PDE1A: variants seen among roughly 807,000 people sequenced by gnomAD.
The protein encoded by PDE1A is phosphodiesterase 1A.
Under a neutral mutation model 61.7 loss-of-function variants are expected in PDE1A, and 35 were observed. The ratio of observed to expected loss-of-function variants is 0.57; its 90% CI spans 0.43 to 0.75. PDE1A has a LOEUF of 0.75. Among genes scored for constraint, PDE1A ranks in the 30% least tolerant of loss-of-function variants. PDE1A has a pLI of 0.00. For missense variants in PDE1A, 597 were observed against 630.6 expected (o/e 0.95, Z 0.57); for synonymous variants, 232 against 213.2 (o/e 1.09, Z -0.77).
the PDE1A span, among the ~76,000 whole-genome samples, chr2:182,658,058 A>AAC: frequency 4.6e-5 from 5 of 108,570 alleles, no homozygotes; most frequent in African/African-American, 1.3e-4. Context: ...AAAAAAAAAA[A>AAC]AAAAAAAAAA....
At chr2:182,693,556 C>T in the PDE1A span, among the ~76,000 whole-genome samples, 1 of 151,542 alleles carries the variant, frequency 6.6e-6, no homozygotes, top group African/African-American at 2.4e-5. Flanking sequence ...ATATTCTGGA[C>T]ACTAGACCCT....
At chr2:182,695,339 C>T in the PDE1A span, among the ~76,000 whole-genome samples, 1 of 152,088 alleles carries the variant, frequency 6.6e-6, no homozygotes, top group Non-Finnish European at 1.5e-5. Context: ...TCATGGGAAC[C>T]AGCATGGAAG....
rs28408366 is a variant in PDE1A at position 182,479,064 on chromosome 2, G to C, written c.101+43212C>G. 5.7e-3 allele frequency among the ~76,000 whole-genome samples: 867 copies of C among 151,926 alleles called. 5 individuals are homozygous for C. The highest frequency in any genetic ancestry group is 0.019 in the African/African-American group (796 of 41,468). On this transcript the variant is annotated intron_variant, in intron 2 of 14. Transcript: ENST00000410103. ...TTCCCTTATTAATCCTGTTTAGTTA[G>C]AAGTGAGGAAAAAGGATAAAAGCCT...
chr2:182,716,022 C>G, the PDE1A span: 1 of 152,428 alleles, frequency 6.6e-6, no homozygotes, highest in East Asian at 1.9e-4. Context: ...ACCCTCCCCG[C>G]CCGCGGCAGG....
chr2:182,177,470 G>T (rs1258128240), intron 13 of PDE1A, among the ~76,000 whole-genome samples: 4 of 152,052 alleles, frequency 2.6e-5, no homozygotes, highest in Non-Finnish European at 4.4e-5. Flanking sequence ...TAGCTTATTT[G>T]CATAGAGGTG....
intron 1 of PDE1A, among the ~76,000 whole-genome samples, chr2:182,407,381 TA>T (rs1004089643): frequency 2.7e-5 from 4 of 146,966 alleles, no homozygotes; most frequent in African/African-American, 8.1e-5. Context: ...ACTTTATTAT[TA>T]TTTTTTTTTT....
At chr2:182,485,229 C>G (rs184536436) in intron 2 of PDE1A, among the ~76,000 whole-genome samples, 18 of 152,210 alleles carry the variant, frequency 1.2e-4, no homozygotes, top group Admixed American at 5.2e-4. Flanking sequence ...ACGGATGCAG[C>G]TGGAGACCAT....
At chr2:182,604,026 T>C in the PDE1A span, among the ~76,000 whole-genome samples, 1 of 151,598 alleles carries the variant, frequency 6.6e-6, no homozygotes, top group South Asian at 2.1e-4. Context: ...AATTTAGTTT[T>C]AAAAAAAAAA....
intron 1 of PDE1A, among the ~76,000 whole-genome samples, chr2:182,298,654 C>T (rs554041616): frequency 1.1e-4 from 17 of 152,110 alleles, no homozygotes; most frequent in Admixed American, 7.9e-4. Context: ...CTAATCTTGC[C>T]CCACTTTACC....
chr2:182,321,350 C>G (rs1464431182), intron 1 of PDE1A, among the ~76,000 whole-genome samples: 1 of 152,052 alleles, frequency 6.6e-6, no homozygotes, highest in Non-Finnish European at 1.5e-5. Context: ...TTTAATAGTT[C>G]ACAAGTTCTC....
At chr2:182,322,481 T>A (rs1356842858) in intron 1 of PDE1A, among the ~76,000 whole-genome samples, 1 of 152,240 alleles carries the variant, frequency 6.6e-6, no homozygotes, top group Non-Finnish European at 1.5e-5. Flanking sequence ...CCCTCTTGCC[T>A]GCCGCCATGT....
At position 182,370,833 on chromosome 2, in the gene PDE1A, G is replaced by A. The variant is rs189543046; in HGVS notation, c.53+55745C>T. 1.0e-3 allele frequency among the ~76,000 whole-genome samples: 154 copies of A among 152,222 alleles called. 1 individual carries two copies. The highest frequency in any genetic ancestry group is 3.7e-3 in the African/African-American group (152 of 41,536). ...AAGTTATGGGATTGCAGGAGATTAG[G>A]AGTTCGTTGAATGCATTATCATTGA... On this transcript the variant is annotated intron_variant, in intron 1 of 13. Transcript: ENST00000351439.
At chr2:182,526,253 A>G (rs1690772509), upstream of PDE1A, among the ~76,000 whole-genome samples, 1 of 152,200 alleles carries the variant, frequency 6.6e-6, no homozygotes, top group Admixed American at 6.5e-5. Flanking sequence ...AATATTGGAA[A>G]AATTCCAATA....
intron 2 of PDE1A, among the ~76,000 whole-genome samples, chr2:182,499,414 G>A (rs1198105505): frequency 1.3e-5 from 2 of 152,126 alleles, no homozygotes; most frequent in African/African-American, 4.8e-5. Context: ...AGTAGGGACA[G>A]GATTTTACCA....
chr2:182,622,541 T>C, the PDE1A span, among the ~76,000 whole-genome samples: 1 of 152,148 alleles, frequency 6.6e-6, no homozygotes, highest in Admixed American at 6.5e-5. Context: ...GTCTTCCAAA[T>C]TTTTTTGCCA....
At chr2:182,547,476 TA>T in the PDE1A span, among the ~76,000 whole-genome samples, 1 of 152,242 alleles carries the variant, frequency 6.6e-6, no homozygotes, top group Non-Finnish European at 1.5e-5. Flanking sequence ...AGACGGGAAC[TA>T]ATTAATCAAC....
intron 2 of PDE1A, among the ~76,000 whole-genome samples, chr2:182,484,443 T>C (rs535701427): frequency 5.9e-5 from 9 of 151,894 alleles, no homozygotes; most frequent in Admixed American, 4.6e-4. Context: ...CCATCCTGGA[T>C]ACAGGAACAG....
intron 1 of PDE1A, among the ~76,000 whole-genome samples, chr2:182,345,397 C>A (rs1484266998): frequency 6.6e-6 from 1 of 152,150 alleles, no homozygotes; most frequent in Non-Finnish European, 1.5e-5. Flanking sequence ...TATAGTACAC[C>A]AATAAATATT....
At chr2:182,236,017 A>G (rs930086662) in intron 3 of PDE1A, among the ~76,000 whole-genome samples, 1 of 152,210 alleles carries the variant, frequency 6.6e-6, no homozygotes, top group Admixed American at 6.5e-5. Flanking sequence ...CAGAATGAAA[A>G]TACTGTGTTT....
Sources: allele counts gnomAD v4.1 joint callset (sites outside exome capture counted in the v4.1 genomes callset), GRCh38; gene constraint gnomAD v4.1.1; transcripts MANE v1.5; gene names NCBI Gene and HGNC (gene_info 2026-07-23, HGNC 2026-07-21).